The following DLG2 variants were observed in gnomAD, a reference collection of about 807,000 sequenced individuals.
DLG2 encodes disks large homolog 2.
Under a neutral mutation model 132.5 loss-of-function variants are expected in DLG2, and 45 were observed. The observed-to-expected ratio is 0.34, with a 90% CI of 0.27 to 0.44. DLG2 has a LOEUF of 0.44. Among genes scored for constraint, DLG2 ranks in the 20% least tolerant of loss-of-function variants. The probability of loss-of-function intolerance (pLI) is 1.00; values close to 1 mark genes in which losing one functional copy is unlikely to be tolerated. For missense variants in DLG2, 1,045 were observed against 1,196.9 expected, an observed-to-expected ratio of 0.87 and a Z score of 1.87; for synonymous variants, 424 against 419.6, an observed-to-expected ratio of 1.01 and a Z score of -0.13.
chr11:85,290,842 T>C (rs1210359099), intron 3 of DLG2, among the ~76,000 whole-genome samples: 1 of 152,092 alleles, frequency 6.6e-6, no homozygotes, highest in Admixed American at 6.6e-5. Flanking sequence ...ATAATAATGA[T>C]TCTGACACAG....
chr11:84,762,108 T>C (rs2067711122), intron 6 of DLG2: 1 of 152,182 alleles, frequency 6.6e-6, no homozygotes, highest in African/African-American at 2.4e-5. Flanking sequence ...TTTTCATTTA[T>C]AGAAACATCA....
intron 7 of DLG2, among the ~76,000 whole-genome samples, chr11:84,386,163 T>A (rs952560146): frequency 6.6e-6 from 1 of 152,072 alleles, no homozygotes; most frequent in African/African-American, 2.4e-5. Context: ...CCCAGCCAAT[T>A]TTTTTAACTC....
intron 16 of DLG2, among the ~76,000 whole-genome samples, chr11:83,835,871 G>A (rs1247283988): frequency 1.3e-5 from 2 of 152,056 alleles, no homozygotes; most frequent in Non-Finnish European, 2.9e-5. Flanking sequence ...GTATTAGTCA[G>A]GGTTCTTCAG....
intron 6 of DLG2, among the ~76,000 whole-genome samples, chr11:84,774,427 G>T (rs2070038718): frequency 6.6e-6 from 1 of 151,766 alleles, no homozygotes. Context: ...CTTTTTCCCA[G>T]AATTAAAAAA....
At chr11:83,730,349 C>T (rs1186618761) in intron 18 of DLG2, among the ~76,000 whole-genome samples, 2 of 151,820 alleles carry the variant, frequency 1.3e-5, no homozygotes, top group Admixed American at 6.6e-5. Context: ...ATTTATAATA[C>T]AATATTTCAA....
At chr11:85,592,142 T>C (rs2079398253) in intron 3 of DLG2, among the ~76,000 whole-genome samples, 1 of 152,246 alleles carries the variant, frequency 6.6e-6, no homozygotes, top group Non-Finnish European at 1.5e-5. Flanking sequence ...ACATAAATAT[T>C]ACTTTCTTAA....
At chr11:83,778,293 T>A (rs1281247509) in intron 18 of DLG2, among the ~76,000 whole-genome samples, 1 of 152,150 alleles carries the variant, frequency 6.6e-6, no homozygotes, top group Non-Finnish European at 1.5e-5. Context: ...TTAGAACCCT[T>A]TATTTCCATG....
At chr11:84,982,226 CAT>C (rs2055858035) in intron 6 of DLG2, among the ~76,000 whole-genome samples, 1 of 60,930 alleles carries the variant, frequency 1.6e-5, no homozygotes, top group Admixed American at 1.8e-4. Flanking sequence ...TTACTTCAAA[CAT>C]AGTCCCCTTC....
chr11:85,155,696 C>A (rs55695542), intron 4 of DLG2, among the ~76,000 whole-genome samples: 22,313 of 151,754 alleles, frequency 0.15, 2,299 homozygotes, highest in Non-Finnish European at 0.21. Flanking sequence ...GTGGTGAAAC[C>A]CTATCTCTAC....
intron 3 of DLG2, among the ~76,000 whole-genome samples, chr11:85,436,711 T>C (rs1408459567): frequency 1.3e-5 from 2 of 152,226 alleles, no homozygotes; most frequent in Admixed American, 1.3e-4. Context: ...GGTAGGAATA[T>C]AAATTAGTCC....
chr11:83,589,205 G>GA lies in DLG2; in HGVS notation c.1940+44005dup, dbSNP rs550259065. ...CATAATTGTCAGATTCACCAAAGTT[G>GA]AAAAAAAGGAAAAAATGTTAAGGGC... is the stretch of plus-strand genomic sequence containing the variant. On this transcript the variant is annotated intron_variant, in intron 19 of 27. Transcript: ENST00000376104. Among the ~76,000 whole-genome samples the GA allele has an allele frequency of 6.3e-3, 963 of 151,770 alleles. 8 individuals are homozygous for GA. Among genetic ancestry groups the GA allele is most frequent in the African/African-American group, 0.021 (875 of 41,406 alleles).
intron 3 of DLG2, among the ~76,000 whole-genome samples, chr11:85,472,428 AG>A (rs1241114849): frequency 6.6e-6 from 1 of 152,110 alleles, no homozygotes; most frequent in East Asian, 1.9e-4. Flanking sequence ...CAGCCTCCCG[AG>A]TAGCTGGGAC....
chr11:85,226,231 A>G (rs2152627572), intron 4 of DLG2, among the ~76,000 whole-genome samples: 1 of 151,724 alleles, frequency 6.6e-6, no homozygotes, highest in Non-Finnish European at 1.5e-5. Flanking sequence ...TGTAGAGCAC[A>G]TTTATTAGAC....
At position 85,602,387 on chromosome 11, in the gene DLG2, CTTT is replaced by C. The variant is rs1029514832; in HGVS notation, c.-92-3602_-92-3600del. Among the ~76,000 whole-genome samples, 8 of 151,872 alleles carry C rather than the reference CTTT, an allele frequency of 5.3e-5. 1 individual carries two copies. The highest frequency in any genetic ancestry group is 5.2e-4 in the Admixed American group (8 of 15,242). ...CCTTTGCCCTCCTACAGTCTTTTCTCTTTTTTTTCTTTTTTCTTTCTGTCTTTG... is the reference window on the plus strand; with the variant it reads ...CCTTTGCCCTCCTACAGTCTTTTCTCTTTTTCTTTTTTCTTTCTGTCTTTG... On this transcript the variant is annotated intron_variant, in intron 2 of 27. Transcript: ENST00000376104.
intron 4 of DLG2, among the ~76,000 whole-genome samples, chr11:85,194,258 C>T (rs969555593): frequency 1.3e-5 from 2 of 152,156 alleles, no homozygotes; most frequent in Non-Finnish European, 2.9e-5. Context: ...AGATGTACAG[C>T]TTACTTTTTT....
intron 9 of DLG2, among the ~76,000 whole-genome samples, chr11:84,142,277 C>T (rs2094885924): frequency 6.8e-6 from 1 of 146,952 alleles, no homozygotes; most frequent in Non-Finnish European, 1.5e-5. Context: ...GCCGAGATCG[C>T]TCCACTGCAC....
chr11:85,051,301 C>G (rs2062864214), intron 6 of DLG2, among the ~76,000 whole-genome samples: 1 of 152,082 alleles, frequency 6.6e-6, no homozygotes, highest in Non-Finnish European at 1.5e-5. Context: ...TATTCTAACT[C>G]TGTAAGAAGA....
chr11:83,516,706 G>A (rs887501289), intron 21 of DLG2, among the ~76,000 whole-genome samples: 1 of 152,172 alleles, frequency 6.6e-6, no homozygotes, highest in Non-Finnish European at 1.5e-5. Flanking sequence ...AGGAGCTCTT[G>A]TAGGGCAGGC....
intron 7 of DLG2, among the ~76,000 whole-genome samples, chr11:84,440,287 A>T (rs1334517320): frequency 6.6e-6 from 1 of 152,244 alleles, no homozygotes; most frequent in Non-Finnish European, 1.5e-5. Flanking sequence ...CATGTTATGC[A>T]AATGCTCAGT....
Sources: gnomAD v4.1 joint callset for allele counts (sites outside exome capture counted in the v4.1 genomes callset) on GRCh38, gnomAD v4.1.1 for gene constraint, MANE v1.5 for transcripts, NCBI Gene and HGNC (gene_info 2026-07-23, HGNC 2026-07-21) for gene names.